Variants in BCO2 observed in about 807,000 individuals in gnomAD.
The protein encoded by BCO2 is beta-carotene oxygenase 2, also known as carotenoid-cleaving dioxygenase, mitochondrial.
A neutral mutation model predicts 65.8 loss-of-function variants in BCO2; 56 were observed. That is an observed-to-expected ratio of 0.85 (90% CI 0.69 to 1.06). BCO2 has a LOEUF of 1.06. Among genes scored for constraint, BCO2 ranks in the 50% least tolerant of loss-of-function variants. The pLI is 0.00. For synonymous variants in BCO2, 233 were observed against 242.3 expected (o/e 0.96, Z 0.36); for missense variants, 675 against 698.5 (o/e 0.97, Z 0.38).
In BCO2 at chr11:112,206,884, C is replaced by T. The variant is rs187231515; in HGVS notation, c.1194+4694C>T. ...TTTATTTGGGTCTTTTAAAATTTCT[C>T]TCAGTAAAGTTATAGTTTTCAGTAT... On this transcript the variant is annotated intron_variant, in intron 8 of 11. Coordinates refer to ENST00000357685, the MANE Select transcript of BCO2 (RefSeq NM_031938.7). Among the ~76,000 whole-genome samples, 177 of 152,230 alleles carry T rather than the reference C, an allele frequency of 1.2e-3. 1 individual carries two copies. The highest frequency in any genetic ancestry group is 4.0e-3 in the African/African-American group (166 of 41,536).
intron 11 of BCO2, 114 bp downstream of exon 11, chr11:112,216,444 T>C: frequency 1.4e-6 from 1 of 699,622 alleles, no homozygotes; most frequent in Non-Finnish European, 2.5e-6. Flanking sequence ...TTCCCTTCTC[T>C]TCCCCTCCTT....
At position 112,200,713 on chromosome 11, in the gene BCO2, G is replaced by A; in HGVS notation, c.966G>A (p.Gly322=). The change falls in exon 7 of 12, where the codon GGG becomes GGA. Residue 322 remains glycine (G), a synonymous_variant. Coordinates refer to ENST00000357685, the MANE Select transcript of BCO2 (RefSeq NM_031938.7). ...TTCGGGGAAAGGCCTTTTCAGATGG[G>A]ATAAGCTGGGAACCCCAGTGTAATA... ...SKIRGKAFSD[G]ISWEPQCNTR... 6.2e-7 allele frequency: 1 copy of A among 1,613,998 alleles called. No individual in the cohort carries two copies. The highest frequency in any genetic ancestry group is 2.2e-5 in the East Asian group (1 of 44,864).
At chr11:112,190,579 G>A (rs1867345642) in intron 2 of BCO2, among the ~76,000 whole-genome samples, 1 of 152,026 alleles carries the variant, frequency 6.6e-6, no homozygotes, top group African/African-American at 2.4e-5. Flanking sequence ...GGGTTTGGCT[G>A]GGCGCAGTGG....
chr11:112,199,965 G>A (rs1009785621), intron 6 of BCO2, 138 bp downstream of exon 6: 21 of 1,020,418 alleles, frequency 2.1e-5, no homozygotes, highest in Non-Finnish European at 2.8e-5. Context: ...TTTGATGCCA[G>A]GTAAGGTTAT....
chr11:112,182,548 G>A (rs1300602902), intron 2 of BCO2, among the ~76,000 whole-genome samples: 8 of 152,196 alleles, frequency 5.3e-5, no homozygotes, highest in African/African-American at 1.2e-4. Context: ...CATGTCCTTT[G>A]CAGGGACATG....
At chr11:112,208,143 G>T (rs1290680730) in intron 8 of BCO2, among the ~76,000 whole-genome samples, 2 of 151,824 alleles carry the variant, frequency 1.3e-5, no homozygotes, top group African/African-American at 4.8e-5. Context: ...TATTTTTTTG[G>T]TAGAGATGGG....
intron 2 of BCO2, among the ~76,000 whole-genome samples, chr11:112,184,928 T>C (rs1298526591): frequency 6.6e-6 from 1 of 152,218 alleles, no homozygotes; most frequent in African/African-American, 2.4e-5. Flanking sequence ...TTAGTATTTA[T>C]GTAGCTTATT....
intron 5 of BCO2, among the ~76,000 whole-genome samples, chr11:112,195,432 C>T (rs556637436): frequency 6.6e-5 from 10 of 152,018 alleles, no homozygotes; most frequent in Non-Finnish European, 1.3e-4. Context: ...TGTGCCTGGC[C>T]AATTACACTT....
intron 2 of BCO2, 145 bp from the exon 3 acceptor site, chr11:112,193,329 T>C (rs570222445): frequency 1.3e-6 from 1 of 780,342 alleles, no homozygotes; most frequent in Non-Finnish European, 2.0e-6. Flanking sequence ...CCTCCCACAA[T>C]TTCAAGTTCT....
At chr11:112,200,386 A>T in intron 6 of BCO2, 1 of 383,070 alleles carries the variant, frequency 2.6e-6, no homozygotes, top group South Asian at 7.4e-5. Context: ...GATAAAAAGC[A>T]AGCTGAGAAC....
At chr11:112,207,398 G>A (rs929326558) in intron 8 of BCO2, among the ~76,000 whole-genome samples, 2 of 151,938 alleles carry the variant, frequency 1.3e-5, no homozygotes, top group Non-Finnish European at 1.5e-5. Flanking sequence ...TGACTTATAC[G>A]TTGTACATCT....
intron 3 of BCO2, 52 bp from the exon 4 acceptor site, chr11:112,193,827 C>T (rs368110903): frequency 8.3e-6 from 12 of 1,443,542 alleles, no homozygotes; most frequent in Non-Finnish European, 1.2e-5. Context: ...GTGTGCTTAG[C>T]GTCGTCTACA....
intron 8 of BCO2, 79 bp downstream of exon 8, chr11:112,202,269 T>G: frequency 3.4e-6 from 4 of 1,172,068 alleles, no homozygotes; most frequent in Non-Finnish European, 4.7e-6. Flanking sequence ...AATTACATGT[T>G]TCTCTCTCTC....
At chr11:112,213,575 A>G in intron 8 of BCO2, 149 bp from the exon 9 acceptor site, 1 of 851,010 alleles carries the variant, frequency 1.2e-6, no homozygotes, top group South Asian at 1.7e-5. Flanking sequence ...TATAGTAGGT[A>G]CTCAACAAAT....
At chr11:112,182,475 G>A in intron 2 of BCO2, among the ~76,000 whole-genome samples, 2 of 152,166 alleles carry the variant, frequency 1.3e-5, no homozygotes, top group Non-Finnish European at 2.9e-5. Context: ...TGATAGACTG[G>A]ACTAAGAAAA....
intron 2 of BCO2, among the ~76,000 whole-genome samples, chr11:112,184,126 G>A (rs942094352): frequency 3.3e-5 from 5 of 152,170 alleles, no homozygotes; most frequent in African/African-American, 1.2e-4. Context: ...CATAGGGCCA[G>A]CTTAGAAATA....
At chr11:112,186,917 C>A (rs1867215958) in intron 2 of BCO2, among the ~76,000 whole-genome samples, 1 of 152,168 alleles carries the variant, frequency 6.6e-6, no homozygotes. Context: ...TTAGTCTCTA[C>A]CATTCTCTAG....
rs369725991 is a variant in BCO2, at chr11:112,208,262, G to A, written c.1195-5462G>A. On this transcript the variant is annotated intron_variant, in intron 8 of 11. Coordinates refer to ENST00000357685, the MANE Select transcript of BCO2 (RefSeq NM_031938.7). ...CAGGAATGAGTCACCGCACCTGGCC[G>A]GCAATTGATTTTTGTTTGTTGATTT... Among the ~76,000 whole-genome samples, 7 of 152,024 alleles carry A rather than the reference G, an allele frequency of 4.6e-5. No individual in the cohort carries two copies. In the South Asian group the frequency reaches 6.2e-4, roughly 14 times the overall value.
chr11:112,197,676 A>G (rs1272417539), intron 5 of BCO2, among the ~76,000 whole-genome samples: 2 of 152,170 alleles, frequency 1.3e-5, no homozygotes, highest in Non-Finnish European at 2.9e-5. Flanking sequence ...AATGACTGCA[A>G]TAGCCCCTCA....
Sources: allele counts gnomAD v4.1 joint callset (sites outside exome capture counted in the v4.1 genomes callset), GRCh38; gene constraint gnomAD v4.1.1; transcripts MANE v1.5; gene names NCBI Gene and HGNC (gene_info 2026-07-23, HGNC 2026-07-21).